Variants in TRIM33 observed in about 807,000 individuals in gnomAD.
TRIM33 encodes tripartite motif containing 33, also known as E3 ubiquitin-protein ligase TRIM33.
In TRIM33, 20 loss-of-function variants were observed where a neutral mutation model predicts 125.4. That is an observed-to-expected ratio of 0.16 (90% confidence interval 0.11 to 0.23). The LOEUF is 0.23. Ranked by LOEUF, TRIM33 falls within the 10% of genes least tolerant of loss-of-function variation. The probability of loss-of-function intolerance (pLI) is 1.00; values close to 1 mark genes in which losing one functional copy is unlikely to be tolerated. For synonymous variants in TRIM33, 564 were observed against 513.9 expected (o/e 1.10, Z -1.32); for missense variants, 920 against 1,411.4 (o/e 0.65, Z 5.58).
intron 1 of TRIM33, among the ~76,000 whole-genome samples, chr1:114,497,299 AT>A (rs996237115): frequency 1.3e-5 from 2 of 151,820 alleles, no homozygotes; most frequent in African/African-American, 4.8e-5. Context: ...TACACTTAAA[AT>A]TTTTTTTTCT....
chr1:114,404,482 T>C (rs750733135), intron 15 of TRIM33: 3 of 152,114 alleles, frequency 2.0e-5, no homozygotes, highest in Non-Finnish European at 2.9e-5. Context: ...TTCAAAGCAT[T>C]TGCTATTGAA....
At chr1:114,508,911 G>A (rs903089590) in intron 1 of TRIM33, among the ~76,000 whole-genome samples, 2 of 152,122 alleles carry the variant, frequency 1.3e-5, no homozygotes, top group East Asian at 1.9e-4. Flanking sequence ...CTGAAGCTAA[G>A]AAAAGGTCAT....
At chr1:114,488,489 CA>C (rs1293475621) in intron 1 of TRIM33, among the ~76,000 whole-genome samples, 1 of 152,118 alleles carries the variant, frequency 6.6e-6, no homozygotes, top group African/African-American at 2.4e-5. Flanking sequence ...GGAGGCCAGG[CA>C]CAGTGGCTCA....
At position 114,424,642 on chromosome 1, in the gene TRIM33, G is replaced by A. The variant is rs754306492; in HGVS notation, c.1809C>T (p.Pro603=). ...AQNAARIPGI[P]RHSGPQYSMM... is the part of the protein sequence containing the mutation. ...TGGAATATTGAGGGCCGCTGTGCCT[G>A]GGTATCCCTGGTATTCTGGCAGCAT... Residue 603 remains proline, a synonymous_variant, in exon 10 of 20, where the codon CCC becomes CCT. Coordinates refer to ENST00000358465, the MANE Select transcript of TRIM33 (RefSeq NM_015906.4). 1.2e-6 allele frequency: 2 copies of A among 1,611,238 alleles called. No individual in the cohort carries two copies. The highest frequency in any genetic ancestry group is 2.2e-5 in the South Asian group (2 of 90,610).
rs185898101 is a variant in TRIM33, at chr1:114,451,840, C to G, written c.923+11264G>C. Among the ~76,000 whole-genome samples the G allele has an allele frequency of 9.2e-5, 14 of 152,138 alleles. No individual in the cohort carries two copies. The East Asian group carries it at 2.7e-3, about 29-fold the overall frequency. Reference sequence around the variant, plus strand: ...AACATAGCTCATCTTTTTCACTATGCAGCAATTATTTTAATTTAAACAAAA... The same window carrying G: ...AACATAGCTCATCTTTTTCACTATGGAGCAATTATTTTAATTTAAACAAAA... On this transcript the variant is annotated intron_variant, in intron 4 of 19. Transcript: ENST00000358465.
rs184999672 is a variant in TRIM33, at chr1:114,434,601, T to C, written c.924-868A>G. 2.2e-4 allele frequency among the ~76,000 whole-genome samples: 33 copies of C among 152,384 alleles called. No individual in the cohort carries two copies. In the East Asian group the frequency reaches 6.0e-3, roughly 28 times the overall value. On this transcript the variant is annotated intron_variant, in intron 4 of 19. Transcript: ENST00000358465. ...AAGCTAGAATAATAGTTTTCTTTGC[T>C]ACTTTTATTTCCTTTTTGTAAATTA...
At chr1:114,443,345 T>C (rs529225501) in intron 4 of TRIM33, among the ~76,000 whole-genome samples, 3 of 152,160 alleles carry the variant, frequency 2.0e-5, no homozygotes, top group South Asian at 4.1e-4. Flanking sequence ...GACCATGCCA[T>C]TGCACTTCAG....
Position 114,424,719 on chromosome 1 carries a change from C to T in TRIM33, c.1732G>A (p.Gly578Ser). 6.2e-7 allele frequency: 1 copy of T among 1,605,582 alleles called. No homozygotes were observed. Among genetic ancestry groups the T allele is most frequent in the Non-Finnish European group, 8.5e-7 (1 of 1,175,866 alleles). Residue 578 changes from glycine (G) to serine (S), a missense_variant, in exon 10 of 20, where the codon GGC (glycine) becomes AGC (serine). Physicochemically the swap from Gly to Ser is moderately conservative, Grantham distance 56. Coordinates refer to ENST00000358465, the MANE Select transcript of TRIM33 (RefSeq NM_015906.4). The part of the protein sequence containing the change: ...RLISVQTMQR[G>S]NMNCGAFQAH... ...TGAAAAGCTCCACAGTTCATGTTGC[C>T]TCTTTGCATTGTTTGCACACTGATC...
intron 1 of TRIM33, among the ~76,000 whole-genome samples, chr1:114,467,412 T>C (rs1282761014): frequency 1.3e-5 from 2 of 152,158 alleles, no homozygotes; most frequent in Non-Finnish European, 2.9e-5. Flanking sequence ...TTAACTAGCA[T>C]ATTTCTGGAG....
At chr1:114,401,293 G>C (rs1413838563) in intron 17 of TRIM33, 96 bp downstream of exon 17, 32 of 845,594 alleles carry the variant, frequency 3.8e-5, no homozygotes. Flanking sequence ...CAAAGTGCTG[G>C]GATTACAGGC....
At chr1:114,480,337 A>G (rs1270588744) in intron 1 of TRIM33, among the ~76,000 whole-genome samples, 1 of 152,108 alleles carries the variant, frequency 6.6e-6, no homozygotes, top group Admixed American at 6.6e-5. Flanking sequence ...GGACACAAAC[A>G]CTTCGGAAGG....
At chr1:114,447,029 T>C (rs1266316056) in intron 4 of TRIM33, among the ~76,000 whole-genome samples, 3 of 152,178 alleles carry the variant, frequency 2.0e-5, no homozygotes, top group African/African-American at 7.2e-5. Flanking sequence ...GATGGAGGGA[T>C]AGGCAGAGTA....
chr1:114,399,736 G>T, intron 17 of TRIM33, 127 bp from the exon 18 acceptor site: 1 of 722,124 alleles, frequency 1.4e-6, no homozygotes, highest in Non-Finnish European at 2.2e-6. Flanking sequence ...CAAATTTTGA[G>T]TATAGACGTA....
chr1:114,467,097 C>A (rs573437971), intron 1 of TRIM33, among the ~76,000 whole-genome samples: 22 of 152,200 alleles, frequency 1.4e-4, no homozygotes, highest in Non-Finnish European at 2.6e-4. Context: ...GTCTACAGCT[C>A]ATGCTCTTAA....
chr1:114,445,312 A>G lies in TRIM33; in HGVS notation c.924-11579T>C, dbSNP rs535035412. Among the ~76,000 whole-genome samples, 81 of 152,296 alleles carry G rather than the reference A, an allele frequency of 5.3e-4. 1 individual carries two copies. Among genetic ancestry groups the G allele is most frequent in the African/African-American group, 1.9e-3 (80 of 41,568 alleles). ...GAGCACAGTGGCATGATCACAGCTC[A>G]CTGCAGCCTCAACCTCCTGGCCTCA... On this transcript the variant is annotated intron_variant, in intron 4 of 19. Transcript: ENST00000358465.
chr1:114,486,847 G>A (rs1392357305), intron 1 of TRIM33, among the ~76,000 whole-genome samples: 1 of 152,074 alleles, frequency 6.6e-6, no homozygotes. Context: ...AGCACTTTGG[G>A]AGGCCAAGGC....
chr1:114,397,955 T>C lies in TRIM33; in HGVS notation c.3156A>G (p.Gln1052=). Residue 1052 remains glutamine (Q), a synonymous_variant, in exon 19 of 20, where the codon CAA becomes CAG. Coordinates refer to ENST00000358465, the MANE Select transcript of TRIM33 (RefSeq NM_015906.4). The stretch of plus-strand genomic sequence containing the variant: ...AAAAGCTTACCTTCAAATTAATCTC[T>C]TGTGTGTCTGCATAAACTTGAACAA... The part of the protein sequence containing the change: ...MKVVQVYADT[Q]EINLKADSEV... 1 of 1,613,638 alleles carries C rather than the reference T, an allele frequency of 6.2e-7. No homozygotes were observed. The highest frequency in any genetic ancestry group is 8.5e-7 in the Non-Finnish European group (1 of 1,179,722).
At chr1:114,437,275 GT>G (rs1165113435) in intron 4 of TRIM33, among the ~76,000 whole-genome samples, 1 of 152,144 alleles carries the variant, frequency 6.6e-6, no homozygotes, top group Non-Finnish European at 1.5e-5. Flanking sequence ...ACTAAATGTA[GT>G]TTTGATTAAT....
intron 1 of TRIM33, among the ~76,000 whole-genome samples, chr1:114,479,030 C>G (rs910630697): frequency 6.6e-6 from 1 of 152,040 alleles, no homozygotes; most frequent in Non-Finnish European, 1.5e-5. Flanking sequence ...GCCTGGGCAA[C>G]AAGAGTGAAA....
Sources: allele counts gnomAD v4.1 joint callset (sites outside exome capture counted in the v4.1 genomes callset), GRCh38; gene constraint gnomAD v4.1.1; transcripts MANE v1.5; gene names NCBI Gene and HGNC (gene_info 2026-07-23, HGNC 2026-07-21).